WDR25: variants seen among roughly 807,000 people sequenced by gnomAD.
The protein encoded by WDR25 is WD repeat domain 25, also known as WD repeat-containing protein 25.
Under a neutral mutation model 47.7 loss-of-function variants are expected in WDR25, and 35 were observed. That is an observed-to-expected ratio of 0.73 (90% CI 0.56 to 0.97). The LOEUF (loss-of-function observed/expected upper bound fraction) is 0.97, where lower values mean the gene tolerates loss of function less well. WDR25 is among the 50% of genes least tolerant of loss of function. The probability of loss-of-function intolerance (pLI) is 0.00; values close to 1 mark genes in which losing one functional copy is unlikely to be tolerated. For missense variants in WDR25, 634 were observed against 704.7 expected (o/e 0.90, Z 1.14); for synonymous variants, 248 against 278.9 (o/e 0.89, Z 1.10).
chr14:100,477,376 G>A (rs1051625434), intron 3 of WDR25, among the ~76,000 whole-genome samples: 76 of 152,304 alleles, frequency 5.0e-4, no homozygotes, highest in African/African-American at 1.8e-3. Flanking sequence ...CACTGGTTTA[G>A]CTCATTATAA....
intron 4 of WDR25, among the ~76,000 whole-genome samples, chr14:100,524,942 T>C (rs1329828403): frequency 6.6e-6 from 1 of 152,208 alleles, no homozygotes; most frequent in Non-Finnish European, 1.5e-5. Flanking sequence ...TTGAAAGGTA[T>C]GAACTCCAAT....
At chr14:100,508,222 A>C (rs1444698449) in intron 4 of WDR25, among the ~76,000 whole-genome samples, 2 of 152,206 alleles carry the variant, frequency 1.3e-5, no homozygotes, top group Non-Finnish European at 2.9e-5. Flanking sequence ...AAAATCCAAC[A>C]TCCTTTCGTG....
At chr14:100,526,159 C>T in intron 5 of WDR25, 119 bp downstream of exon 5, 2 of 1,276,768 alleles carry the variant, frequency 1.6e-6, no homozygotes, top group African/African-American at 3.0e-5. Context: ...ACTGAAATCT[C>T]CAGGATGAGG....
At chr14:100,454,417 C>T (rs1899135936) in intron 2 of WDR25, 1 of 1,287,200 alleles carries the variant, frequency 7.8e-7, no homozygotes, top group Non-Finnish European at 1.0e-6. Context: ...TTAATTACTG[C>T]AAAACAGATG....
At chr14:100,510,977 G>C (rs567582386) in intron 4 of WDR25, among the ~76,000 whole-genome samples, 1 of 151,768 alleles carries the variant, frequency 6.6e-6, no homozygotes, top group South Asian at 2.1e-4. Flanking sequence ...AAATCAGCTC[G>C]TATAAGTCTT....
At chr14:100,413,350 G>A (rs951384748) in intron 2 of WDR25, among the ~76,000 whole-genome samples, 2 of 151,998 alleles carry the variant, frequency 1.3e-5, no homozygotes, top group Admixed American at 6.5e-5. Context: ...CTCAGCCCCA[G>A]GCAGCCACAG....
In WDR25 at chr14:100,381,105, G is replaced by A. The variant is rs768349449; in HGVS notation, c.181G>A (p.Gly61Arg). 1.9e-6 allele frequency: 3 copies of A among 1,614,208 alleles called. No individual in the cohort carries two copies. The highest frequency in any genetic ancestry group is 2.2e-5 in the South Asian group (2 of 91,070). ...ASGTLDVPKAGAQPTKHGSCE... is the reference protein window; with the variant it reads ...ASGTLDVPKARAQPTKHGSCE... ...TGGTACACTGGATGTGCCCAAAGCA[G>A]GGGCACAGCCCACAAAGCATGGCTC... The change falls in exon 2 of 7, where the codon GGG becomes AGG. Residue 61 changes from glycine (G) to arginine (R), a missense_variant. Coordinates refer to ENST00000402312, the MANE Select transcript of WDR25 (RefSeq NM_001161476.3).
Position 100,381,621 on chromosome 14 carries a change from A to G in WDR25, c.697A>G (p.Thr233Ala). Residue 233 changes from threonine to alanine, a missense_variant, in exon 2 of 7, where the codon ACA becomes GCA. Coordinates refer to ENST00000402312, the MANE Select transcript of WDR25 (RefSeq NM_001161476.3). ...PYLNSHYKET[T>A]VPRKVLFHLR... ...TTTGAATAGCCATTATAAAGAAACC[A>G]CAGTTCCCCGGAAAGTGCTTTTCCA... is the stretch of plus-strand genomic sequence containing the variant. 9 of 1,607,986 alleles carry G rather than the reference A, an allele frequency of 5.6e-6. No homozygotes were observed. Among genetic ancestry groups the G allele is most frequent in the Non-Finnish European group, 7.7e-6 (9 of 1,175,198 alleles).
chr14:100,452,364 G>A (rs930512665), intron 2 of WDR25, among the ~76,000 whole-genome samples: 3 of 152,204 alleles, frequency 2.0e-5, no homozygotes, highest in Non-Finnish European at 4.4e-5. Flanking sequence ...ATTTTAGTGG[G>A]AGAAATAAAC....
At chr14:100,512,750 A>T (rs560978500) in intron 4 of WDR25, among the ~76,000 whole-genome samples, 1 of 152,272 alleles carries the variant, frequency 6.6e-6, no homozygotes, top group Admixed American at 6.5e-5. Flanking sequence ...TAGGTATTTC[A>T]GCTGCACTAC....
chr14:100,403,124 G>A (rs1192521362), intron 2 of WDR25, among the ~76,000 whole-genome samples: 1 of 152,116 alleles, frequency 6.6e-6, no homozygotes, highest in Non-Finnish European at 1.5e-5. Context: ...TTCCTCTCGG[G>A]GAAGAGACCA....
At chr14:100,510,499 G>C (rs1218006166) in intron 4 of WDR25, among the ~76,000 whole-genome samples, 1 of 151,700 alleles carries the variant, frequency 6.6e-6, no homozygotes, top group East Asian at 2.0e-4. Flanking sequence ...ACTTTGGGAG[G>C]TCAAGGTGGG....
chr14:100,437,796 A>T (rs150803953), intron 2 of WDR25, among the ~76,000 whole-genome samples: 4 of 152,202 alleles, frequency 2.6e-5, no homozygotes, highest in African/African-American at 9.6e-5. Context: ...CCCTTAGTGA[A>T]GAAGAGAAGA....
rs1226765543 is a variant in WDR25 at position 100,496,828 on chromosome 14, CT to C, written c.1101+12728del. 9.6e-3 allele frequency among the ~76,000 whole-genome samples: 704 copies of C among 73,350 alleles called. 1 individual carries two copies. The highest frequency in any genetic ancestry group is 0.03 in the African/African-American group (598 of 20,010). The allele number at this position is 73,350 out of a possible 152,430, so 48.1% of individuals were successfully genotyped here. The stretch of plus-strand genomic sequence containing the variant: ...TTTCTTTTTCTTTTTTTCTTTAATT[CT>C]TTTTTTTTTTTTTTTTTTTTTTTGG... On this transcript the variant is annotated intron_variant, in intron 4 of 6. Coordinates refer to ENST00000402312, the MANE Select transcript of WDR25 (RefSeq NM_001161476.3).
At chr14:100,478,791 C>T (rs541620999) in intron 3 of WDR25, among the ~76,000 whole-genome samples, 14 of 152,248 alleles carry the variant, frequency 9.2e-5, no homozygotes, top group Admixed American at 9.2e-4. Context: ...TTCACATTTT[C>T]TCTCATCTTT....
chr14:100,413,158 A>G (rs1287490759), intron 2 of WDR25, among the ~76,000 whole-genome samples: 7 of 152,160 alleles, frequency 4.6e-5, no homozygotes, highest in Admixed American at 4.6e-4. Flanking sequence ...AAAAAGGTAA[A>G]TTAACTCTAT....
chr14:100,421,010 A>G (rs1296844665), intron 2 of WDR25, among the ~76,000 whole-genome samples: 1 of 152,120 alleles, frequency 6.6e-6, no homozygotes, highest in African/African-American at 2.4e-5. Flanking sequence ...CTGCTGAAAC[A>G]GTGTATCTCC....
chr14:100,418,814 A>G (rs966763208), intron 2 of WDR25, among the ~76,000 whole-genome samples: 10 of 151,940 alleles, frequency 6.6e-5, no homozygotes, highest in African/African-American at 2.4e-4. Context: ...GGGACCTGGC[A>G]TTGGACTCAG....
intron 2 of WDR25, among the ~76,000 whole-genome samples, chr14:100,412,315 G>A (rs1437161872): frequency 6.6e-6 from 1 of 152,100 alleles, no homozygotes; most frequent in East Asian, 1.9e-4. Flanking sequence ...AATGGTGCAC[G>A]GAAAGTGCTG....
Sources: allele counts gnomAD v4.1 joint callset (sites outside exome capture counted in the v4.1 genomes callset), GRCh38; gene constraint gnomAD v4.1.1; transcripts MANE v1.5; gene names NCBI Gene and HGNC (gene_info 2026-07-23, HGNC 2026-07-21).